The following WNT5A variants were observed in gnomAD, a reference collection of about 807,000 sequenced individuals.
WNT5A encodes protein Wnt-5a.
In WNT5A, 9 loss-of-function variants were observed where a neutral mutation model predicts 42.1. The ratio of observed to expected loss-of-function variants is 0.21; its 90% CI spans 0.13 to 0.37. The LOEUF (loss-of-function observed/expected upper bound fraction) is 0.37. WNT5A is among the 10% of genes least tolerant of loss of function. WNT5A has a pLI of 1.00. For missense variants in WNT5A, 426 were observed against 534.0 expected (o/e 0.80, Z 1.99); for synonymous variants, 210 against 210.0 (o/e 1.00, Z 0.00).
upstream of WNT5A, among the ~76,000 whole-genome samples, chr3:55,494,730 C>T (rs902316698): frequency 6.6e-6 from 1 of 152,022 alleles, no homozygotes; most frequent in African/African-American, 2.4e-5. Flanking sequence ...GTACAGACAG[C>T]GTTTCACCAT....
the WNT5A span, among the ~76,000 whole-genome samples, chr3:55,501,152 C>T: frequency 2.0e-5 from 3 of 152,142 alleles, no homozygotes; most frequent in Non-Finnish European, 4.4e-5. Context: ...AATTATCTTC[C>T]GAAATTCCAA....
intron 3 of WNT5A, among the ~76,000 whole-genome samples, chr3:55,475,206 A>C (rs1215713303): frequency 6.6e-6 from 1 of 152,250 alleles, no homozygotes; most frequent in Admixed American, 6.5e-5. Flanking sequence ...CACATGAAAG[A>C]AGTCATTGAA....
chr3:55,486,012 T>C (rs563100041), intron 1 of WNT5A, among the ~76,000 whole-genome samples: 1 of 152,252 alleles, frequency 6.6e-6, no homozygotes, highest in African/African-American at 2.4e-5. Flanking sequence ...GAAAAATTGT[T>C]TAGAAAATAA....
chr3:55,504,128 C>T, the WNT5A span, among the ~76,000 whole-genome samples: 1 of 151,948 alleles, frequency 6.6e-6, no homozygotes, highest in Middle Eastern at 3.4e-3. Context: ...AAAAATTAGC[C>T]AGACATGGTG....
intron 3 of WNT5A, among the ~76,000 whole-genome samples, chr3:55,475,634 C>T (rs138314228): frequency 1.3e-5 from 2 of 152,200 alleles, no homozygotes; most frequent in East Asian, 3.8e-4. Context: ...CCCCTGCCCA[C>T]TCCCCCACTG....
intron 4 of WNT5A, among the ~76,000 whole-genome samples, chr3:55,471,857 A>G (rs547765914): frequency 1.3e-5 from 2 of 152,344 alleles, no homozygotes; most frequent in African/African-American, 4.8e-5. Flanking sequence ...GTGCATCAGA[A>G]GGCCTCTTCC....
chr3:55,478,526 C>T lies in WNT5A; in HGVS notation c.391+788G>A, dbSNP rs540225716. 2.0e-5 allele frequency among the ~76,000 whole-genome samples: 3 copies of T among 152,230 alleles called. No homozygotes were observed. In the South Asian group the frequency reaches 6.3e-4, roughly 32 times the overall value. ...TTGGACCACATCTGTCAAATAGTAT[C>T]CTATACTATTTAAACAAAAGCAGAG... On this transcript the variant is annotated intron_variant, in intron 3 of 4. Transcript: ENST00000264634.
At chr3:55,474,684 T>C in intron 3 of WNT5A, 55 bp from the exon 4 acceptor site, 1 of 780,548 alleles carries the variant, frequency 1.3e-6, no homozygotes, top group South Asian at 4.9e-5. Flanking sequence ...TGGGCCGGGA[T>C]GCTGCCGGGG....
At position 55,479,372 on chromosome 3, in the gene WNT5A, T is replaced by C. The variant is rs1446634413; in HGVS notation, c.333A>G (p.Arg111=). ...TATCCACAGTGCTGCAGTTCCACCTTCGATGTCGGAATTGATACTGGCATT... is the reference window on the plus strand; with the variant it reads ...TATCCACAGTGCTGCAGTTCCACCTCCGATGTCGGAATTGATACTGGCATT... ...IKECQYQFRH[R]RWNCSTVDNT... The change falls in exon 3 of 5, where the codon CGA becomes CGG. Residue 111 remains arginine (R), a synonymous_variant. Transcript: ENST00000264634. 1 of 1,613,584 alleles carries C rather than the reference T, an allele frequency of 6.2e-7. No homozygotes were observed. Among genetic ancestry groups the C allele is most frequent in the East Asian group, 2.2e-5 (1 of 44,890 alleles).
intron 4 of WNT5A, 126 bp downstream of exon 4, chr3:55,474,211 A>G: frequency 8.5e-7 from 1 of 1,180,922 alleles, no homozygotes; most frequent in East Asian, 2.6e-5. Flanking sequence ...GCAGAGAGAT[A>G]GAGACAGGAC....
At chr3:55,495,900 G>T in the WNT5A span, among the ~76,000 whole-genome samples, 1 of 152,152 alleles carries the variant, frequency 6.6e-6, no homozygotes, top group African/African-American at 2.4e-5. Context: ...TAAGTGAAAA[G>T]GACAGAGTTT....
upstream of WNT5A, among the ~76,000 whole-genome samples, chr3:55,493,677 C>T (rs554021774): frequency 6.6e-6 from 1 of 152,328 alleles, no homozygotes; most frequent in South Asian, 2.1e-4. Context: ...GTGGCCATGC[C>T]ACTGCTGAGC....
chr3:55,494,109 C>T (rs1402667900), upstream of WNT5A: 1 of 152,186 alleles, frequency 6.6e-6, no homozygotes, highest in African/African-American at 2.4e-5. Flanking sequence ...AGTCCCTTAA[C>T]TTACATGGAA....
intron 2 of WNT5A, among the ~76,000 whole-genome samples, chr3:55,479,972 C>T (rs2051427566): frequency 6.6e-6 from 1 of 152,086 alleles, no homozygotes; most frequent in Admixed American, 6.5e-5. Flanking sequence ...TGAAAGTAGA[C>T]ACAATTAGAT....
chr3:55,467,637 C>T lies in WNT5A; in HGVS notation c.*2455G>A, dbSNP rs530477388. The T allele has an allele frequency of 4.6e-5, 7 of 152,566 alleles. No homozygotes were observed. The highest frequency in any genetic ancestry group is 2.1e-4 in the South Asian group (1 of 4,816). 9.5% of individuals were successfully genotyped at this position (152,566 alleles called of 1,614,324 possible). On this transcript the variant is annotated 3_prime_UTR_variant, in exon 5 of 5. Coordinates refer to ENST00000264634, the MANE Select transcript of WNT5A (RefSeq NM_003392.7). ...TATCTTCCATTTGGCATAAGCCTTT[C>T]GATGTTTGTTTTTTAAACCAGTGAA...
intron 1 of WNT5A, chr3:55,481,370 G>C: frequency 1.0e-6 from 1 of 985,816 alleles, no homozygotes; most frequent in Non-Finnish European, 1.2e-6. Context: ...TAATTCCATG[G>C]GCGAGAGGAG....
chr3:55,478,867 C>T (rs1024640746), intron 3 of WNT5A, among the ~76,000 whole-genome samples: 2 of 152,114 alleles, frequency 1.3e-5, no homozygotes, highest in Non-Finnish European at 2.9e-5. Flanking sequence ...ACTTTGTTCA[C>T]TTTCAATATA....
At chr3:55,503,316 G>T in the WNT5A span, among the ~76,000 whole-genome samples, 1 of 152,232 alleles carries the variant, frequency 6.6e-6, no homozygotes, top group Admixed American at 6.5e-5. Flanking sequence ...ATTTCCATTT[G>T]TTCAGGATCT....
chr3:55,485,363 G>A (rs1173352820), intron 1 of WNT5A, among the ~76,000 whole-genome samples: 4 of 151,924 alleles, frequency 2.6e-5, no homozygotes, highest in Non-Finnish European at 5.9e-5. Flanking sequence ...GGAGCGCACG[G>A]GGGAGGGGAG....
Sources: gnomAD v4.1 joint callset for allele counts (sites outside exome capture counted in the v4.1 genomes callset) on GRCh38, gnomAD v4.1.1 for gene constraint, MANE v1.5 for transcripts, NCBI Gene and HGNC (gene_info 2026-07-23, HGNC 2026-07-21) for gene names.